ARHGEF19: variants seen among roughly 807,000 people sequenced by gnomAD.
The protein encoded by ARHGEF19 is Rho guanine nucleotide exchange factor (GEF) 19.
In ARHGEF19, 92 loss-of-function variants were observed where a neutral mutation model predicts 87.6. That is an observed-to-expected ratio of 1.05 (90% CI 0.89 to 1.25). The LOEUF (loss-of-function observed/expected upper bound fraction) is 1.25, where lower values mean the gene tolerates loss of function less well. Among genes scored for constraint, ARHGEF19 ranks in the 50% most tolerant of loss-of-function variants. The pLI is 0.00. For synonymous variants in ARHGEF19, 438 were observed against 446.2 expected, an observed-to-expected ratio of 0.98 and a Z score of 0.23; for missense variants, 1,054 against 1,051.8, an observed-to-expected ratio of 1.00 and a Z score of -0.03.
Position 16,198,841 on chromosome 1 carries a change from C to G in ARHGEF19, c.2252-97G>C. 6.9e-7 allele frequency: 1 copy of G among 1,446,182 alleles called. No homozygotes were observed. Among genetic ancestry groups the G allele is most frequent in the African/African-American group, 1.4e-5 (1 of 70,440 alleles). 89.6% of individuals were successfully genotyped at this position (1,446,182 alleles called of 1,614,324 possible). The stretch of plus-strand genomic sequence containing the variant: ...GCCCTGATGCAAGCTTTGTCTGCAC[C>G]CTTGGGGCCAAGGTGACATCATCTC... On this transcript the variant is annotated intron_variant, in intron 15 of 15. Coordinates refer to ENST00000270747, the MANE Select transcript of ARHGEF19 (RefSeq NM_153213.5). The surrounding 1 kb of genome is among the most constrained non-coding windows in gnomAD (Gnocchi z 4.1).
In ARHGEF19 at chr1:16,205,360, C is replaced by A; in HGVS notation, c.1647G>T (p.Ala549=). The A allele has an allele frequency of 6.2e-7, 1 of 1,613,846 alleles. No individual in the cohort carries two copies. Among genetic ancestry groups the A allele is most frequent in the Non-Finnish European group, 8.5e-7 (1 of 1,179,814 alleles). ...DEDMATKAFN[A]LKELVQECNA... ...GCCCTGCCCAGCTCACCTCCTTGAG[C>A]GCATTGAAGGCCTTGGTGGCCATGT... Residue 549 remains alanine (A), a synonymous_variant, in exon 10 of 16, where the codon GCG becomes GCT. Coordinates refer to ENST00000270747, the MANE Select transcript of ARHGEF19 (RefSeq NM_153213.5). This position sits in a 1 kb window ranked among gnomAD's most constrained non-coding sequence, Gnocchi z 5.8.
rs373315030 is a variant in ARHGEF19, at chr1:16,207,607, G to A, written c.798-9C>T. The A allele has an allele frequency of 1.2e-5, 20 of 1,613,920 alleles. No homozygotes were observed. Among genetic ancestry groups the A allele is most frequent in the Admixed American group, 1.7e-5 (1 of 60,004 alleles). ...CTTCCTGTGTGTCTAGCCTAGGAAA[G>A]AGAGAGCGTCACGGCCCTAGTTCGC... On this transcript the variant is annotated splice_polypyrimidine_tract_variant and intron_variant, in intron 4 of 15. Transcript: ENST00000270747. The surrounding 1 kb of genome is among the most constrained non-coding windows in gnomAD (Gnocchi z 4.0).
chr1:16,205,807 T>C lies in ARHGEF19; in HGVS notation c.1451+124A>G. 1 of 1,490,464 alleles carries C rather than the reference T, an allele frequency of 6.7e-7. No individual in the cohort carries two copies. Among genetic ancestry groups the C allele is most frequent in the Non-Finnish European group, 9.0e-7 (1 of 1,113,426 alleles). The allele number at this position is 1,490,464 out of a possible 1,614,324, so 92.3% of individuals were successfully genotyped here. A position where few individuals can be genotyped will look rare whatever the true frequency, so the allele number is the denominator to read the frequency against. On this transcript the variant is annotated intron_variant, in intron 8 of 15. Transcript: ENST00000270747. The surrounding 1 kb of genome is among the most constrained non-coding windows in gnomAD (Gnocchi z 5.8). ...GGGGTTGCATCTCACCTTATCCTGG[T>C]CACAGAGACCTTTTCAGGGACCCCT...
chr1:16,198,666 A>T lies in ARHGEF19; in HGVS notation c.2330T>A (p.Leu777His), dbSNP rs916936856. ...PQAYVEEISS[L>H]SARLRNLREN... ...CCGGAGGTTTCGGAGGCGGGCGCTG[A>T]GGCTGCTGATCTCTTCCACATAGGC... The change falls in exon 16 of 16, where the codon CTC (leucine) becomes CAC (histidine). Residue 777 changes from leucine to histidine, a missense_variant. Transcript: ENST00000270747. This position sits in a 1 kb window ranked among gnomAD's most constrained non-coding sequence, Gnocchi z 4.1. 1.2e-6 allele frequency: 2 copies of T among 1,613,664 alleles called. No homozygotes were observed. Among genetic ancestry groups the T allele is most frequent in the African/African-American group, 1.3e-5 (1 of 74,902 alleles).
At position 16,206,988 on chromosome 1, in the gene ARHGEF19, A is replaced by G; in HGVS notation, c.1097T>C (p.Val366Ala). Residue 366 changes from valine (V) to alanine (A), a missense_variant, in exon 6 of 16, where the codon GTC (valine) becomes GCC (alanine). Coordinates refer to ENST00000270747, the MANE Select transcript of ARHGEF19 (RefSeq NM_153213.5). The surrounding 1 kb of genome is among the most constrained non-coding windows in gnomAD (Gnocchi z 4.6). ...GTCCCGCAGGCTCAGCGTGGCCAGG[A>G]CGCCGCTGCCGCGTACGTCGGGGAT... ...QDIPDVRGSGVLATLSLRDCK... is the reference protein window; with the variant it reads ...QDIPDVRGSGALATLSLRDCK... 2 of 1,514,042 alleles carry G rather than the reference A, an allele frequency of 1.3e-6. No homozygotes were observed. Among genetic ancestry groups the G allele is most frequent in the Non-Finnish European group, 1.8e-6 (2 of 1,135,526 alleles). 93.8% of individuals were successfully genotyped at this position (1,514,042 alleles called of 1,614,324 possible).
rs1047004142 is a variant in ARHGEF19 at position 16,205,945 on chromosome 1, G to A, written c.1437C>T (p.Thr479=). The change falls in exon 8 of 16, where the codon ACC becomes ACT. Residue 479 remains threonine (T), a synonymous_variant. Transcript: ENST00000270747. This position sits in a 1 kb window ranked among gnomAD's most constrained non-coding sequence, Gnocchi z 5.8. ...YVTNQAYQER[T]YQRLLLENPR... The stretch of plus-strand genomic sequence containing the variant: ...CCCAGCCCTACAGCAGGCGCTGGTA[G>A]GTGCGCTCCTGGTAGGCCTGGTTGG... The A allele has an allele frequency of 6.2e-7, 1 of 1,609,882 alleles. No individual in the cohort carries two copies. The highest frequency in any genetic ancestry group is 1.7e-5 in the Admixed American group (1 of 59,340).
rs780590485 is a variant in ARHGEF19, at chr1:16,207,905, C to T, written c.694+39G>A. On this transcript the variant is annotated intron_variant, in intron 3 of 15. Transcript: ENST00000270747. The surrounding 1 kb of genome is among the most constrained non-coding windows in gnomAD (Gnocchi z 4.0). The stretch of plus-strand genomic sequence containing the variant: ...ATCGCCCACCCCCACCCCCACCCGG[C>T]ATCTGGCTGCCCTCAGGGCCCATGG... 1 of 1,542,800 alleles carries T rather than the reference C, an allele frequency of 6.5e-7. No individual in the cohort carries two copies. The highest frequency in any genetic ancestry group is 8.8e-7 in the Non-Finnish European group (1 of 1,132,348).
In ARHGEF19 at chr1:16,199,237, A is replaced by G; in HGVS notation, c.2164T>C (p.Cys722Arg). 1 of 1,613,832 alleles carries G rather than the reference A, an allele frequency of 6.2e-7. No individual in the cohort carries two copies. The highest frequency in any genetic ancestry group is 8.5e-7 in the Non-Finnish European group (1 of 1,179,880). Reference sequence around the variant, plus strand: ...TGCAGTGCCTTGTATGTCCTAACACACTGAACCTGGGGGCAATCTGACAGC... The same window carrying G: ...TGCAGTGCCTTGTATGTCCTAACACGCTGAACCTGGGGGCAATCTGACAGC... The part of the protein sequence containing the change: ...SEGEDCPQVQ[C>R]VRTYKALHPD... The change falls in exon 15 of 16, where the codon TGT becomes CGT. Residue 722 changes from cysteine (C) to arginine (R), a missense_variant. Cys to Arg is a radical substitution (Grantham distance 180). Coordinates refer to ENST00000270747, the MANE Select transcript of ARHGEF19 (RefSeq NM_153213.5).
Position 16,209,037 on chromosome 1 carries a change from A to C in ARHGEF19, c.18T>G (p.Pro6=). The C allele has an allele frequency of 6.7e-7, 1 of 1,494,038 alleles. No homozygotes were observed. The highest frequency in any genetic ancestry group is 1.4e-5 in the South Asian group (1 of 70,734). 92.5% of individuals were successfully genotyped at this position (1,494,038 alleles called of 1,614,324 possible). The change falls in exon 2 of 16, where the codon CCT becomes CCG. Residue 6 remains proline (P), a synonymous_variant. Transcript: ENST00000270747. The stretch of plus-strand genomic sequence containing the variant: ...CAGTCAGGTGGGGCTGGAGGGTAGC[A>C]GGTGGCCCACAGTCCATTCCTCTTT... The part of the protein sequence containing the change: MDCGP[P]ATLQPHLTGP...
chr1:16,208,042 G>GATGCC lies in ARHGEF19; in HGVS notation c.591_595dup (p.Ser199TrpfsTer5). On this transcript the variant is annotated frameshift_variant, in exon 3 of 16. Transcript: ENST00000270747. LOFTEE classifies it high-confidence loss of function. Reference sequence around the variant, plus strand: ...AGAGTGCAGCCGGGTCATCAGCTCCGATGCCGAGAAGCGCCTCCGCTCAGG... The same window carrying GATGCC: ...AGAGTGCAGCCGGGTCATCAGCTCCGATGCCATGCCGAGAAGCGCCTCCGCTCAGG... 6.2e-7 allele frequency: 1 copy of GATGCC among 1,613,792 alleles called. No homozygotes were observed. The highest frequency in any genetic ancestry group is 8.5e-7 in the Non-Finnish European group (1 of 1,180,020).
In ARHGEF19 at chr1:16,208,064, C is replaced by G. The variant is rs764053442; in HGVS notation, c.574G>C (p.Glu192Gln). 1.9e-6 allele frequency: 3 copies of G among 1,613,992 alleles called. No individual in the cohort carries two copies. The highest frequency in any genetic ancestry group is 2.5e-6 in the Non-Finnish European group (3 of 1,180,042). Residue 192 changes from glutamate to glutamine, a missense_variant, in exon 3 of 16, where the codon GAG (glutamate) becomes CAG (glutamine). Glu to Gln is a conservative substitution (Grantham distance 29). Transcript: ENST00000270747. ...TCCGATGCCGAGAAGCGCCTCCGCT[C>G]AGGACCTTCGAGGCTCACTCGGGTG... ...GSTRVSLEGP[E>Q]RRRFSASELM...
Position 16,205,451 on chromosome 1 carries a change from G to A in ARHGEF19, c.1582-26C>T. Reference sequence around the variant, plus strand: ...CTGGAAGGTGGGATCAGCACAATGAGGCAGTCCTCATACTCCCGAGACCCG... The same window carrying A: ...CTGGAAGGTGGGATCAGCACAATGAAGCAGTCCTCATACTCCCGAGACCCG... On this transcript the variant is annotated intron_variant, in intron 9 of 15. Transcript: ENST00000270747. This position sits in a 1 kb window ranked among gnomAD's most constrained non-coding sequence, Gnocchi z 5.8. 1.2e-6 allele frequency: 2 copies of A among 1,612,364 alleles called. No individual in the cohort carries two copies. Among genetic ancestry groups the A allele is most frequent in the Non-Finnish European group, 1.7e-6 (2 of 1,179,346 alleles).
Position 16,208,727 on chromosome 1 carries a change from G to T in ARHGEF19, c.328C>A (p.Pro110Thr), listed in dbSNP as rs781061138. The T allele has an allele frequency of 1.4e-5, 22 of 1,609,696 alleles. No individual in the cohort carries two copies. The Admixed American group carries it at 3.7e-4, about 27-fold the overall frequency. Reference protein sequence around the residue: ...GSWPHCPGAQPPALEGPWSPR... With the variant: ...GSWPHCPGAQTPALEGPWSPR... ...CTCCAGGGTCCCTCCAGAGCTGGGG[G>T]CTGGGCACCAGGACAGTGTGGCCAG... Residue 110 changes from proline (P) to threonine (T), a missense_variant, in exon 2 of 16, where the codon CCC becomes ACC. By Grantham distance (38) the Pro-to-Thr change is conservative (BLOSUM62 -1). Transcript: ENST00000270747.
In ARHGEF19 at chr1:16,206,283, C is replaced by CA; in HGVS notation, c.1194dup (p.Val399CysfsTer140). 1 of 1,583,720 alleles carries CA rather than the reference C, an allele frequency of 6.3e-7. No individual in the cohort carries two copies. The highest frequency in any genetic ancestry group is 1.2e-5 in the South Asian group (1 of 86,544). The stretch of plus-strand genomic sequence containing the variant: ...TCGGCAGAGCCTAAGAAGTGGCCCA[C>CA]AGCCACCGACAGGCTGTGGATGTAG... On this transcript the variant is annotated frameshift_variant, in exon 7 of 16. Transcript: ENST00000270747. LOFTEE classifies it high-confidence loss of function. The surrounding 1 kb of genome is among the most constrained non-coding windows in gnomAD (Gnocchi z 4.6).
intron 12 of ARHGEF19, among the ~76,000 whole-genome samples, chr1:16,202,998 GA>G: frequency 6.6e-6 from 1 of 151,958 alleles, no homozygotes; most frequent in East Asian, 1.9e-4. Context: ...ACCTCTCTCT[GA>G]ACCTCTCTGC....
chr1:16,209,059 C>T lies in ARHGEF19; in HGVS notation c.-5G>A. The T allele has an allele frequency of 6.8e-7, 1 of 1,468,446 alleles. No homozygotes were observed. The highest frequency in any genetic ancestry group is 1.5e-5 in the South Asian group (1 of 66,668). The allele number at this position is 1,468,446 out of a possible 1,614,324, so 91.0% of individuals were successfully genotyped here. A position where few individuals can be genotyped will look rare whatever the true frequency, so the allele number is the denominator to read the frequency against. ...AGCAGGTGGCCCACAGTCCATTCCT[C>T]TTTTGCTCTGCCACCCACCTGGCCC... On this transcript the variant is annotated 5_prime_UTR_variant, in exon 2 of 16. Transcript: ENST00000270747.
In ARHGEF19 at chr1:16,205,550, C is replaced by T; in HGVS notation, c.1569G>A (p.Lys523=). 6.2e-7 allele frequency: 1 copy of T among 1,614,086 alleles called. No homozygotes were observed. Among genetic ancestry groups the T allele is most frequent in the Non-Finnish European group, 8.5e-7 (1 of 1,179,988 alleles). ...ILPFQRITRL[K]MLVENILKRT... is the part of the protein sequence containing the mutation. ...CCCCTCGAGGTACCTCCACCAACAT[C>T]TTGAGGCGGGTGATCCTCTGGAAGG... is the stretch of plus-strand genomic sequence containing the variant. Residue 523 remains lysine (K), a synonymous_variant, in exon 9 of 16, where the codon AAG becomes AAA. Transcript: ENST00000270747. This position sits in a 1 kb window ranked among gnomAD's most constrained non-coding sequence, Gnocchi z 5.8.
Position 16,204,838 on chromosome 1 carries a change from G to A in ARHGEF19, c.1828C>T (p.Pro610Ser), listed in dbSNP as rs528642958. The stretch of plus-strand genomic sequence containing the variant: ...TTGCTGGACAGCTTCAGCTTGGCAG[G>A]GGGTGCTGCAGGCAGTGGTGCCAGC... ...VELAPLPAAP[P>S]AKLKLSSKAV... The change falls in exon 12 of 16, where the codon CCT becomes TCT. Residue 610 changes from proline (P) to serine (S), a missense_variant. Coordinates refer to ENST00000270747, the MANE Select transcript of ARHGEF19 (RefSeq NM_153213.5). The A allele has an allele frequency of 5.6e-6, 9 of 1,608,706 alleles. No homozygotes were observed. The African/African-American group carries it at 8.0e-5, about 14-fold the overall frequency.
At position 16,207,569 on chromosome 1, in the gene ARHGEF19, C is replaced by T. The variant is rs1474822317; in HGVS notation, c.827G>A (p.Gly276Glu). ...RLDTQEEPPL[G>E]SRSTNERRQS... is the part of the protein sequence containing the mutation. Reference sequence around the variant, plus strand: ...GCGCCGCTCGTTGGTGCTCCTGGACCCCAAAGGCGGCTCTTCCTGTGTGTC... The same window carrying T: ...GCGCCGCTCGTTGGTGCTCCTGGACTCCAAAGGCGGCTCTTCCTGTGTGTC... Residue 276 changes from glycine (G) to glutamate (E), a missense_variant, in exon 5 of 16, where the codon GGG becomes GAG. By Grantham distance (98) the Gly-to-Glu change is moderately conservative (BLOSUM62 -2). Coordinates refer to ENST00000270747, the MANE Select transcript of ARHGEF19 (RefSeq NM_153213.5). This position sits in a 1 kb window ranked among gnomAD's most constrained non-coding sequence, Gnocchi z 4.0. 2.5e-6 allele frequency: 4 copies of T among 1,613,896 alleles called. No individual in the cohort carries two copies. The highest frequency in any genetic ancestry group is 3.4e-6 in the Non-Finnish European group (4 of 1,180,020).
Sources: allele counts gnomAD v4.1 joint callset (sites outside exome capture counted in the v4.1 genomes callset), GRCh38; gene constraint gnomAD v4.1.1; non-coding constraint Gnocchi (gnomAD v3.1); transcripts MANE v1.5; gene names NCBI Gene and HGNC (gene_info 2026-07-23, HGNC 2026-07-21).